The following SV2C variants were observed in gnomAD, a reference collection of about 807,000 sequenced individuals.
SV2C encodes synaptic vesicle glycoprotein 2C.
A neutral mutation model predicts 79.7 loss-of-function variants in SV2C; 49 were observed. That is an observed-to-expected ratio of 0.61 (90% CI 0.49 to 0.78). The LOEUF (loss-of-function observed/expected upper bound fraction) is 0.78, where lower values mean the gene tolerates loss of function less well. Among genes scored for constraint, SV2C ranks in the 30% least tolerant of loss-of-function variants. The pLI is 0.00. For missense variants in SV2C, 833 were observed against 912.9 expected (o/e 0.91, Z 1.13); for synonymous variants, 334 against 333.2 (o/e 1.00, Z -0.03).
chr5:76,298,873 G>A lies in SV2C; in HGVS notation c.1582G>A (p.Val528Met). 1 of 1,613,992 alleles carries A rather than the reference G, an allele frequency of 6.2e-7. No individual in the cohort carries two copies. Among genetic ancestry groups the A allele is most frequent in the South Asian group, 1.1e-5 (1 of 91,068 alleles). ...KSCTFEDVTS[V>M]NTYFKNCTFI... Reference sequence around the variant, plus strand: ...CTGCACCTTTGAGGATGTAACTTCAGTGAACACCTACTTCAAGAACTGCAC... The same window carrying A: ...CTGCACCTTTGAGGATGTAACTTCAATGAACACCTACTTCAAGAACTGCAC... Residue 528 changes from valine to methionine, a missense_variant, in exon 10 of 13, where the codon GTG (valine) becomes ATG (methionine). Transcript: ENST00000502798.
At chr5:76,107,462 T>C (rs949914247) in intron 1 of SV2C, among the ~76,000 whole-genome samples, 1 of 152,244 alleles carries the variant, frequency 6.6e-6, no homozygotes, top group South Asian at 2.1e-4. Flanking sequence ...TAAGAAATAA[T>C]ACCTTGCAGT....
the SV2C span, among the ~76,000 whole-genome samples, chr5:76,030,564 A>C: frequency 6.6e-6 from 1 of 152,020 alleles, no homozygotes; most frequent in Non-Finnish European, 1.5e-5. Context: ...TGTATTAAGA[A>C]AAGATGTGTT....
chr5:76,075,380 G>T, the SV2C span, among the ~76,000 whole-genome samples: 63,407 of 152,026 alleles, frequency 0.42, 13,733 homozygotes, highest in East Asian at 0.72. Context: ...AAGGGAGAGA[G>T]GAATTATCAT....
At chr5:76,164,721 A>AGTGTGTGTGTGTGTGTGT (rs10651569) in intron 2 of SV2C, among the ~76,000 whole-genome samples, 5,492 of 141,756 alleles carry the variant, frequency 0.039, 186 homozygotes, top group East Asian at 0.13. Context: ...GATGGAACTC[A>AGTGTGTGTGTGTGTGTGT]GTGTGTGTGT....
the SV2C span, among the ~76,000 whole-genome samples, chr5:75,953,149 T>G: frequency 1.3e-5 from 2 of 151,978 alleles, no homozygotes; most frequent in Non-Finnish European, 2.9e-5. Context: ...ACAGACAGCA[T>G]ATGGTGAGAG....
intron 4 of SV2C, among the ~76,000 whole-genome samples, chr5:76,268,462 C>G (rs546509340): frequency 6.6e-6 from 1 of 152,122 alleles, no homozygotes; most frequent in Non-Finnish European, 1.5e-5. Context: ...AGTGTGGGCC[C>G]GTCCCGCTGC....
At chr5:76,133,147 A>G (rs947955007) in intron 2 of SV2C, among the ~76,000 whole-genome samples, 2 of 152,206 alleles carry the variant, frequency 1.3e-5, no homozygotes, top group Non-Finnish European at 1.5e-5. Context: ...GCAAGCATGC[A>G]GTGAACTCTC....
the SV2C span, among the ~76,000 whole-genome samples, chr5:75,869,375 C>T: frequency 6.6e-6 from 1 of 152,168 alleles, no homozygotes; most frequent in Admixed American, 6.5e-5. Context: ...GGCAGTATTC[C>T]CGGTGGGCCT....
chr5:76,339,351 C>T (rs753049841), intron 12 of SV2C, among the ~76,000 whole-genome samples: 2 of 152,118 alleles, frequency 1.3e-5, no homozygotes, highest in Non-Finnish European at 2.9e-5. Flanking sequence ...TTTGTGATAT[C>T]ATTGCCTATA....
At chr5:76,291,119 C>A in intron 6 of SV2C, 102 bp from the exon 7 acceptor site, 1 of 681,232 alleles carries the variant, frequency 1.5e-6, no homozygotes, top group Non-Finnish European at 2.5e-6. Flanking sequence ...CCGCCTACTT[C>A]TTGCCGGAGT....
At chr5:75,921,235 C>A in the SV2C span, 4 of 1,325,742 alleles carry the variant, frequency 3.0e-6, no homozygotes, top group African/African-American at 1.4e-5. Context: ...TGGGACACTT[C>A]CCTTTGACTT....
At chr5:75,952,914 C>T in the SV2C span, among the ~76,000 whole-genome samples, 1 of 152,110 alleles carries the variant, frequency 6.6e-6, no homozygotes, top group South Asian at 2.1e-4. Flanking sequence ...TTACTTCTCC[C>T]TCCTAAGATC....
At chr5:76,067,227 T>C in the SV2C span, among the ~76,000 whole-genome samples, 1 of 152,094 alleles carries the variant, frequency 6.6e-6, no homozygotes, top group Non-Finnish European at 1.5e-5. Flanking sequence ...TTATTTTCTT[T>C]GTCCATTTAC....
At chr5:76,135,760 T>C (rs1218800774) in intron 2 of SV2C, among the ~76,000 whole-genome samples, 1 of 152,204 alleles carries the variant, frequency 6.6e-6, no homozygotes, top group Non-Finnish European at 1.5e-5. Context: ...TCCCATTTGC[T>C]GTGACTCAGA....
chr5:76,150,193 A>G (rs911562607), intron 2 of SV2C, among the ~76,000 whole-genome samples: 3 of 134,480 alleles, frequency 2.2e-5, no homozygotes, highest in Admixed American at 2.2e-4. Flanking sequence ...CTGTTGATTT[A>G]ATATCTTTTT....
chr5:76,174,606 G>C (rs1743464948), intron 2 of SV2C, among the ~76,000 whole-genome samples: 1 of 152,218 alleles, frequency 6.6e-6, no homozygotes, highest in Admixed American at 6.5e-5. Context: ...GGCCCAGATA[G>C]TGAATACGTC....
At chr5:75,898,789 A>G in the SV2C span, among the ~76,000 whole-genome samples, 1 of 152,094 alleles carries the variant, frequency 6.6e-6, no homozygotes, top group African/African-American at 2.4e-5. Context: ...CTCCTGGTTT[A>G]GTCTTGGGAG....
At chr5:75,912,536 C>T in the SV2C span, among the ~76,000 whole-genome samples, 1 of 152,096 alleles carries the variant, frequency 6.6e-6, no homozygotes, top group Non-Finnish European at 1.5e-5. Flanking sequence ...TAGAAAACCC[C>T]CCACAACTCT....
At chr5:75,936,758 T>G in the SV2C span, among the ~76,000 whole-genome samples, 1 of 152,230 alleles carries the variant, frequency 6.6e-6, no homozygotes, top group South Asian at 2.1e-4. Context: ...TAAAGTTGAC[T>G]TACTGGTCTA....
Sources: gnomAD v4.1 joint callset for allele counts (sites outside exome capture counted in the v4.1 genomes callset) on GRCh38, gnomAD v4.1.1 for gene constraint, MANE v1.5 for transcripts, NCBI Gene and HGNC (gene_info 2026-07-23, HGNC 2026-07-21) for gene names.